The following MTOR variants were observed in gnomAD, a reference collection of about 807,000 sequenced individuals.
The protein encoded by MTOR is mechanistic target of rapamycin kinase, also known as serine/threonine-protein kinase mTOR.
In MTOR, 70 loss-of-function variants were observed where a neutral mutation model predicts 319.8. That is an observed-to-expected ratio of 0.22 (90% CI 0.18 to 0.27). MTOR has a LOEUF of 0.27. Ranked by LOEUF, MTOR falls within the 10% of genes least tolerant of loss-of-function variation. The probability of loss-of-function intolerance (pLI) is 1.00; values close to 1 mark genes in which losing one functional copy is unlikely to be tolerated. For synonymous variants in MTOR, 1,183 were observed against 1,211.4 expected, an observed-to-expected ratio of 0.98 and a Z score of 0.49; for missense variants, 1,890 against 3,274.4, an observed-to-expected ratio of 0.58 and a Z score of 10.32.
intron 3 of MTOR, among the ~76,000 whole-genome samples, chr1:11,257,373 TAAGATACA>T (rs1650535488): frequency 1.3e-5 from 1 of 76,118 alleles, no homozygotes; most frequent in Non-Finnish European, 2.6e-5. Flanking sequence ...CCGTCTCTAC[TAAGATACA>T]AAAAAAAAAA....
chr1:11,188,187 C>T (rs1356238043), intron 28 of MTOR, among the ~76,000 whole-genome samples: 1 of 152,112 alleles, frequency 6.6e-6, no homozygotes, highest in African/African-American at 2.4e-5. Flanking sequence ...AAACAGCAAT[C>T]GTATGTTCCA....
At chr1:11,170,860 G>A (rs912197062) in intron 28 of MTOR, among the ~76,000 whole-genome samples, 13 of 150,942 alleles carry the variant, frequency 8.6e-5, no homozygotes, top group African/African-American at 1.9e-4. Context: ...CACGCCGGGC[G>A]GCCTTGGTAG....
In MTOR at chr1:11,114,828, C is replaced by A; in HGVS notation, c.7149G>T (p.Leu2383Phe). The A allele has an allele frequency of 6.2e-7, 1 of 1,614,092 alleles. No individual in the cohort carries two copies. The highest frequency in any genetic ancestry group is 1.1e-5 in the South Asian group (1 of 91,034). ...EKIPFRLTRMLTNAMEVTGLD... is the reference protein window; with the variant it reads ...EKIPFRLTRMFTNAMEVTGLD... ...ATCCACTCACCTCCATAGCATTGGT[C>A]AACATTCTTGTTAGTCTAAATGGAA... Residue 2383 changes from leucine to phenylalanine, a missense_variant, in exon 52 of 58, where the codon TTG becomes TTT. Leu to Phe is a conservative substitution (Grantham distance 22, BLOSUM62 0). Coordinates refer to ENST00000361445, the MANE Select transcript of MTOR (RefSeq NM_004958.4).
Position 11,130,592 on chromosome 1 carries a change from C to A in MTOR, c.5550G>T (p.Glu1850Asp). 1 of 1,613,906 alleles carries A rather than the reference C, an allele frequency of 6.2e-7. No individual in the cohort carries two copies. Among genetic ancestry groups the A allele is most frequent in the Non-Finnish European group, 8.5e-7 (1 of 1,180,004 alleles). Residue 1850 changes from glutamate (E) to aspartate (D), a missense_variant, in exon 39 of 58, where the codon GAG becomes GAT. Transcript: ENST00000361445. Reference protein sequence around the residue: ...TTASTEGSNSESEAESTENSP... With the variant: ...TTASTEGSNSDSEAESTENSP... The stretch of plus-strand genomic sequence containing the variant: ...TGTTCTCGGTGCTCTCGGCCTCGCT[C>A]TCACTGTTGCTGCCCTCGGTGCTGG...
chr1:11,231,449 G>C lies in MTOR; in HGVS notation c.2515-15C>G, dbSNP rs779270178. The C allele has an allele frequency of 1.2e-6, 2 of 1,613,378 alleles. No homozygotes were observed. Among genetic ancestry groups the C allele is most frequent in the South Asian group, 2.2e-5 (2 of 90,986 alleles). ...CACAGAGCCACCTGGATAGGCACAA[G>C]AACACGATTCAATGAGCCAGTACGA... On this transcript the variant is annotated splice_polypyrimidine_tract_variant and intron_variant, in intron 16 of 57. Coordinates refer to ENST00000361445, the MANE Select transcript of MTOR (RefSeq NM_004958.4).
At chr1:11,213,330 T>A in intron 21 of MTOR, 69 bp downstream of exon 21, 1 of 1,520,422 alleles carries the variant, frequency 6.6e-7, no homozygotes, top group Non-Finnish European at 8.9e-7. Flanking sequence ...GGTCTCAGCT[T>A]TTAGCTGATC....
chr1:11,221,478 A>AAT (rs1007902551), intron 19 of MTOR, among the ~76,000 whole-genome samples: 24 of 151,558 alleles, frequency 1.6e-4, no homozygotes, highest in African/African-American at 5.1e-4. Flanking sequence ...ACATCTATAA[A>AAT]ATATATATAT....
chr1:11,180,859 C>T (rs1453956028), intron 28 of MTOR, among the ~76,000 whole-genome samples: 2 of 151,864 alleles, frequency 1.3e-5, no homozygotes, highest in Non-Finnish European at 2.9e-5. Flanking sequence ...TCACTGCAAC[C>T]TCTACCTCCC....
chr1:11,235,085 C>T (rs1647153289), intron 13 of MTOR, among the ~76,000 whole-genome samples: 1 of 152,144 alleles, frequency 6.6e-6, no homozygotes, highest in East Asian at 1.9e-4. Context: ...CCCTGGCAGC[C>T]TGTTTTCCCC....
At chr1:11,205,049 T>C (rs531415481) in intron 25 of MTOR, among the ~76,000 whole-genome samples, 39 of 152,150 alleles carry the variant, frequency 2.6e-4, no homozygotes, top group Non-Finnish European at 5.1e-4. Flanking sequence ...TCCTCTGCAT[T>C]AGAACACCAG....
intron 28 of MTOR, chr1:11,192,395 A>G (rs1645576138): frequency 1.3e-6 from 2 of 1,548,318 alleles, no homozygotes; most frequent in East Asian, 2.2e-5. Context: ...GTCACTGGCC[A>G]TGCCCTAATA....
chr1:11,232,351 TG>T, intron 16 of MTOR, 84 bp downstream of exon 16: 2 of 935,852 alleles, frequency 2.1e-6, no homozygotes, highest in African/African-American at 1.6e-5. Flanking sequence ...AGGCACTGGG[TG>T]AGGACACTAA....
At chr1:11,233,142 A>AT in intron 15 of MTOR, 1 of 1,097,904 alleles carries the variant, frequency 9.1e-7, no homozygotes, top group Non-Finnish European at 1.4e-6. Flanking sequence ...GATGGCACAC[A>AT]CATTTATGCT....
chr1:11,205,253 C>T (rs1646100935), intron 25 of MTOR, among the ~76,000 whole-genome samples: 1 of 152,152 alleles, frequency 6.6e-6, no homozygotes, highest in Admixed American at 6.5e-5. Context: ...ACTCTCCAGA[C>T]ATCAAGAGTT....
chr1:11,132,945 T>C, intron 38 of MTOR, 135 bp downstream of exon 38: 2 of 708,376 alleles, frequency 2.8e-6, no homozygotes, highest in South Asian at 1.7e-5. Context: ...CTCTTATAGA[T>C]AGGCTCCAGG....
chr1:11,232,253 C>T (rs1647043234), intron 16 of MTOR, among the ~76,000 whole-genome samples, 183 bp downstream of exon 16: 2 of 152,192 alleles, frequency 1.3e-5, no homozygotes, highest in South Asian at 4.1e-4. Context: ...TGGGTCAGGA[C>T]AACAGGTAAT....
At chr1:11,255,382 CAAAAAAAAAAA>C (rs56328160) in intron 5 of MTOR, among the ~76,000 whole-genome samples, 63,878 of 98,112 alleles carry the variant, frequency 0.65, 19,461 homozygotes, top group East Asian at 0.78. Flanking sequence ...ACTCCATCTC[CAAAAAAAAAAA>C]AAAAAAAAAA....
At chr1:11,193,323 A>G (rs2100718334) in intron 28 of MTOR, among the ~76,000 whole-genome samples, 1 of 151,054 alleles carries the variant, frequency 6.6e-6, no homozygotes, top group East Asian at 2.0e-4. Context: ...AAAAAAAAAA[A>G]GTATCTGGAT....
intron 9 of MTOR, among the ~76,000 whole-genome samples, chr1:11,242,882 T>C (rs559444726): frequency 3.9e-5 from 6 of 152,344 alleles, no homozygotes; most frequent in South Asian, 2.1e-4. Context: ...GAAAATAGCA[T>C]TGGCATCTCA....
Sources: gnomAD v4.1 joint callset for allele counts (sites outside exome capture counted in the v4.1 genomes callset) on GRCh38, gnomAD v4.1.1 for gene constraint, MANE v1.5 for transcripts, NCBI Gene and HGNC (gene_info 2026-07-23, HGNC 2026-07-21) for gene names.